REV3L: variants seen among roughly 807,000 people sequenced by gnomAD.
REV3L encodes DNA polymerase zeta catalytic subunit.
REV3L carries 69 observed loss-of-function variants against 299.4 expected under a neutral mutation model. That is an observed-to-expected ratio of 0.23 (90% CI 0.19 to 0.28). The LOEUF is 0.28. Ranked by LOEUF, REV3L falls within the 10% of genes least tolerant of loss-of-function variation. REV3L has a pLI of 1.00. For missense variants in REV3L, 3,128 were observed against 3,693.8 expected (o/e 0.85, Z 3.97); for synonymous variants, 1,238 against 1,271.4 (o/e 0.97, Z 0.56).
At chr6:111,439,564 T>C (rs573638048) in intron 1 of REV3L, among the ~76,000 whole-genome samples, 1 of 152,346 alleles carries the variant, frequency 6.6e-6, no homozygotes, top group South Asian at 2.1e-4. Flanking sequence ...CATAAGTGGG[T>C]GCCTCATGAG....
At chr6:111,420,292 T>C (rs975446606) in intron 1 of REV3L, among the ~76,000 whole-genome samples, 9 of 152,202 alleles carry the variant, frequency 5.9e-5, no homozygotes, top group Non-Finnish European at 1.5e-5. Flanking sequence ...ACATGAAACT[T>C]TGATATGTAT....
chr6:111,416,233 T>C (rs369162601), intron 2 of REV3L, 50 bp downstream of exon 2: 17 of 1,294,122 alleles, frequency 1.3e-5, no homozygotes, highest in African/African-American at 1.0e-4. Context: ...TTCCTCTAAA[T>C]AGAATAGCAA....
intron 16 of REV3L, chr6:111,361,419 C>CACAAAAAAAAAAACAA (rs767836093): frequency 1.2e-5 from 1 of 86,610 alleles, no homozygotes; most frequent in Non-Finnish European, 2.3e-5. Flanking sequence ...CACACACACA[C>CACAAAAAAAAAAACAA]AAAAAAAAAA....
intron 2 of REV3L, among the ~76,000 whole-genome samples, chr6:111,414,238 T>C (rs908193488): frequency 4.6e-5 from 7 of 152,128 alleles, no homozygotes; most frequent in Admixed American, 1.3e-4. Context: ...TTACGTGGGA[T>C]AGTCAAAGAA....
intron 28 of REV3L, 26 bp downstream of exon 28, chr6:111,313,326 A>G: frequency 6.3e-7 from 1 of 1,589,010 alleles, no homozygotes; most frequent in South Asian, 1.2e-5. Context: ...TTTCTTACAG[A>G]TGAAGACAAG....
intron 1 of REV3L, among the ~76,000 whole-genome samples, chr6:111,457,257 A>G (rs559208206): frequency 1.3e-5 from 2 of 152,216 alleles, no homozygotes; most frequent in South Asian, 2.1e-4. Context: ...AATTAAATAT[A>G]TAACAGTATA....
rs1162669265 is a variant in REV3L, at chr6:111,375,466, T to C, written c.2889A>G (p.Lys963=). 17 of 1,602,764 alleles carry C rather than the reference T, an allele frequency of 1.1e-5. No individual in the cohort carries two copies. The highest frequency in any genetic ancestry group is 8.5e-7 in the Non-Finnish European group (1 of 1,177,268). ...GCAGCTTTTTAGACATTTTTCTTCG[T>C]TTTCGGGATTTGAGAGTTCCATCTA... The part of the protein sequence containing the change: ...ESLDGTLKSR[K]RRKMSKKLPP... The change falls in exon 13 of 32, where the codon AAA becomes AAG. Residue 963 remains lysine, a synonymous_variant. Coordinates refer to ENST00000368802, the MANE Select transcript of REV3L (RefSeq NM_001372078.1).
intron 18 of REV3L, chr6:111,356,738 A>C (rs1165795320): frequency 5.3e-6 from 1 of 188,260 alleles, no homozygotes; most frequent in Non-Finnish European, 1.1e-5. Context: ...CCTCAAGTAC[A>C]ACTGGGAAGT....
At chr6:111,346,082 T>C (rs927585671) in intron 20 of REV3L, among the ~76,000 whole-genome samples, 3 of 152,220 alleles carry the variant, frequency 2.0e-5, no homozygotes, top group African/African-American at 7.2e-5. Flanking sequence ...CTCACTGCCA[T>C]ATCTCTACCT....
In REV3L at chr6:111,389,230, T is replaced by TC. The variant is rs765487060; in HGVS notation, c.758-21dup. The stretch of plus-strand genomic sequence containing the variant: ...TTTGAGCTGTAATCACAATAATACT[T>TC]CAATACTACAGGGTCAAAGTAAGAA... On this transcript the variant is annotated intron_variant, in intron 6 of 31. Transcript: ENST00000368802. 17 of 1,551,418 alleles carry TC rather than the reference T, an allele frequency of 1.1e-5. No homozygotes were observed. Among genetic ancestry groups the TC allele is most frequent in the Non-Finnish European group, 1.5e-5 (17 of 1,125,372 alleles).
At chr6:111,317,414 T>C (rs1773656489) in intron 26 of REV3L, among the ~76,000 whole-genome samples, 1 of 152,252 alleles carries the variant, frequency 6.6e-6, no homozygotes, top group African/African-American at 2.4e-5. Context: ...ATCTAGGCTA[T>C]ACTTCGAACC....
intron 16 of REV3L, among the ~76,000 whole-genome samples, chr6:111,362,360 T>A (rs1778779489): frequency 6.6e-6 from 1 of 152,134 alleles, no homozygotes; most frequent in Admixed American, 6.5e-5. Flanking sequence ...GTTAATCTAA[T>A]CTCTAGAACA....
At chr6:111,425,869 T>A (rs565968981) in intron 1 of REV3L, among the ~76,000 whole-genome samples, 4 of 152,004 alleles carry the variant, frequency 2.6e-5, no homozygotes, top group Non-Finnish European at 5.9e-5. Context: ...AAGAACCAAA[T>A]AGAAATTCCA....
intron 31 of REV3L, among the ~76,000 whole-genome samples, chr6:111,303,165 CTTTTTTT>C (rs1189398273): frequency 1.1e-5 from 1 of 92,342 alleles, no homozygotes; most frequent in African/African-American, 3.9e-5. Context: ...TCTTTTCTTT[CTTTTTTT>C]TTTTTTTTTT....
At chr6:111,411,827 G>T in intron 2 of REV3L, 1 of 235,778 alleles carries the variant, frequency 4.2e-6, no homozygotes, top group Non-Finnish European at 6.9e-6. Flanking sequence ...AAAAAACTAT[G>T]GACAAAAAGG....
rs561031648 is a variant in REV3L at position 111,299,836 on chromosome 6, A to C, written c.*180T>G. ...AATGAGGAATTTGTACATTGTAAGA[A>C]GTGAGCTATTCAGAGATCAACAAGT... On this transcript the variant is annotated 3_prime_UTR_variant, in exon 32 of 32. Coordinates refer to ENST00000368802, the MANE Select transcript of REV3L (RefSeq NM_001372078.1). The C allele has an allele frequency of 7.2e-5, 35 of 485,140 alleles. No homozygotes were observed. The South Asian group carries it at 9.8e-4, about 14-fold the overall frequency. The allele number at this position is 485,140 out of a possible 1,614,324, so 30.1% of individuals were successfully genotyped here.
chr6:111,308,027 C>T, intron 30 of REV3L: 2 of 311,502 alleles, frequency 6.4e-6, no homozygotes, highest in East Asian at 1.0e-4. Context: ...TGAGTGAGAA[C>T]AGGCGGTGTT....
intron 14 of REV3L, among the ~76,000 whole-genome samples, chr6:111,366,907 C>T (rs1779282982): frequency 6.6e-6 from 1 of 152,134 alleles, no homozygotes; most frequent in Non-Finnish European, 1.5e-5. Context: ...TCCTGCATTT[C>T]ACCCACAAGA....
chr6:111,417,186 T>C (rs1435810603), intron 1 of REV3L, among the ~76,000 whole-genome samples: 5 of 152,120 alleles, frequency 3.3e-5, no homozygotes, highest in Non-Finnish European at 7.3e-5. Context: ...AAGGGGTAAA[T>C]GGTGCTGACT....
Sources: gnomAD v4.1 joint callset for allele counts (sites outside exome capture counted in the v4.1 genomes callset) on GRCh38, gnomAD v4.1.1 for gene constraint, MANE v1.5 for transcripts, NCBI Gene and HGNC (gene_info 2026-07-23, HGNC 2026-07-21) for gene names.